Variants in DAB1 observed in about 807,000 individuals in gnomAD.
The protein encoded by DAB1 is disabled homolog 1.
DAB1 carries 15 observed loss-of-function variants against 64.6 expected under a neutral mutation model. The observed-to-expected ratio is 0.23, with a 90% CI of 0.16 to 0.36. The LOEUF (loss-of-function observed/expected upper bound fraction) is 0.36. DAB1 is among the 10% of genes least tolerant of loss of function. The pLI is 1.00. For missense variants in DAB1, 596 were observed against 706.7 expected (o/e 0.84, Z 1.78); for synonymous variants, 235 against 251.9 (o/e 0.93, Z 0.64).
intron 1 of DAB1, among the ~76,000 whole-genome samples, chr1:57,872,504 G>C (rs2101958754): frequency 6.6e-6 from 1 of 152,282 alleles, no homozygotes; most frequent in East Asian, 1.9e-4. Flanking sequence ...AAGCTATTAA[G>C]TTTTGCTATT....
At chr1:57,193,634 C>T (rs377072360) in intron 2 of DAB1, among the ~76,000 whole-genome samples, 1 of 152,120 alleles carries the variant, frequency 6.6e-6, no homozygotes, top group African/African-American at 2.4e-5. Context: ...GATCCGCCTG[C>T]GTCGGCTTCC....
intron 3 of DAB1, among the ~76,000 whole-genome samples, chr1:58,346,582 GA>G (rs903069964): frequency 6.6e-6 from 1 of 152,176 alleles, no homozygotes; most frequent in Non-Finnish European, 1.5e-5. Flanking sequence ...AAAGCCCTTT[GA>G]AATGCAATGA....
chr1:57,250,759 T>A (rs1364053931), intron 2 of DAB1, among the ~76,000 whole-genome samples: 1 of 152,232 alleles, frequency 6.6e-6, no homozygotes. Flanking sequence ...TATAATTTTT[T>A]AATATTTTAC....
At chr1:58,093,038 A>C (rs1233221096) in intron 5 of DAB1, among the ~76,000 whole-genome samples, 1 of 152,196 alleles carries the variant, frequency 6.6e-6, no homozygotes, top group African/African-American at 2.4e-5. Context: ...AGTGCCACAC[A>C]AACTTCCCCT....
intron 2 of DAB1, among the ~76,000 whole-genome samples, chr1:58,508,401 A>G (rs1173812778): frequency 1.3e-5 from 2 of 152,192 alleles, no homozygotes; most frequent in Non-Finnish European, 2.9e-5. Flanking sequence ...ATTCAACGAT[A>G]ATATACGAAT....
chr1:57,642,601 A>G (rs2101644344), intron 7 of DAB1, among the ~76,000 whole-genome samples: 1 of 152,222 alleles, frequency 6.6e-6, no homozygotes, highest in South Asian at 2.1e-4. Context: ...TTTCTCCCCA[A>G]CGCTAAAAAT....
rs529675243 is a variant in DAB1 at position 58,280,815 on chromosome 1, T to C, written n.309+62537A>G. ...AAGCCATGGGGGCAGGGAGTGGGGG[T>C]GGCACCCAAGGAGTGCACCATCTAG... On this transcript the variant is annotated intron_variant and non_coding_transcript_variant, in intron 4 of 20. Coordinates refer to the DAB1 transcript ENST00000485760. 5.3e-5 allele frequency among the ~76,000 whole-genome samples: 8 copies of C among 152,090 alleles called. No homozygotes were observed. The East Asian group carries it at 1.4e-3, about 26-fold the overall frequency.
chr1:57,890,927 A>G (rs554872068), intron 5 of DAB1, among the ~76,000 whole-genome samples: 1 of 152,312 alleles, frequency 6.6e-6, no homozygotes, highest in South Asian at 2.1e-4. Flanking sequence ...ACATTATATT[A>G]ATCTGTGGCT....
intron 1 of DAB1, among the ~76,000 whole-genome samples, chr1:57,872,296 G>A (rs1643966234): frequency 6.6e-6 from 1 of 152,138 alleles, no homozygotes; most frequent in Non-Finnish European, 1.5e-5. Flanking sequence ...TGGAAGTGGA[G>A]CCCTTATGAA....
chr1:58,489,673 C>A (rs1645642378), intron 3 of DAB1, among the ~76,000 whole-genome samples: 1 of 152,300 alleles, frequency 6.6e-6, no homozygotes, highest in Non-Finnish European at 1.5e-5. Flanking sequence ...CCTGAGTAGC[C>A]TAACTGGGAG....
At chr1:58,136,849 A>G (rs1482473241) in intron 5 of DAB1, among the ~76,000 whole-genome samples, 6 of 152,228 alleles carry the variant, frequency 3.9e-5, no homozygotes, top group Non-Finnish European at 8.8e-5. Context: ...AACTTGCTGA[A>G]TATCACAAGT....
intron 4 of DAB1, among the ~76,000 whole-genome samples, chr1:57,079,776 C>G (rs1327348878): frequency 1.3e-5 from 2 of 152,164 alleles, no homozygotes; most frequent in Admixed American, 1.3e-4. Flanking sequence ...CTCCTTTCTC[C>G]CATTCAGACC....
At chr1:57,170,006 T>C (rs1447458741) in intron 2 of DAB1, among the ~76,000 whole-genome samples, 2 of 151,618 alleles carry the variant, frequency 1.3e-5, no homozygotes, top group African/African-American at 4.8e-5. Context: ...CTTTCTTTTT[T>C]TTTTTTTTAA....
chr1:58,511,333 C>T (rs1374201071), intron 2 of DAB1, among the ~76,000 whole-genome samples: 1 of 152,092 alleles, frequency 6.6e-6, no homozygotes, highest in East Asian at 1.9e-4. Flanking sequence ...AAATACAGAT[C>T]TTTGATGAGG....
chr1:58,069,153 C>T (rs1649065834), intron 5 of DAB1, among the ~76,000 whole-genome samples: 1 of 152,212 alleles, frequency 6.6e-6, no homozygotes, highest in Admixed American at 6.5e-5. Context: ...ATGTAGACTT[C>T]AAAATAATTC....
chr1:57,278,800 T>C (rs1570143118), intron 2 of DAB1, among the ~76,000 whole-genome samples: 1 of 152,192 alleles, frequency 6.6e-6, no homozygotes, highest in Non-Finnish European at 1.5e-5. Context: ...TATTGATTAG[T>C]GAGACAGAAC....
At chr1:57,984,916 G>GT (rs34070813) in intron 5 of DAB1, among the ~76,000 whole-genome samples, 58,776 of 149,530 alleles carry the variant, frequency 0.39, 13,027 homozygotes, top group Admixed American at 0.51. Context: ...AGTTGTTGTT[G>GT]TTTTTTTTTT....
At chr1:58,074,990 T>C (rs991359090) in intron 5 of DAB1, among the ~76,000 whole-genome samples, 5 of 152,112 alleles carry the variant, frequency 3.3e-5, no homozygotes, top group African/African-American at 1.2e-4. Context: ...CAAAGCTGAA[T>C]TGTGAAGGTG....
At chr1:57,055,982 C>G (rs11206962) in intron 9 of DAB1, among the ~76,000 whole-genome samples, 52,429 of 151,944 alleles carry the variant, frequency 0.35, 9,840 homozygotes, top group Middle Eastern at 0.47. Flanking sequence ...TACTTTAGCT[C>G]ATTTAGTCTT....
Sources: allele counts gnomAD v4.1 joint callset (sites outside exome capture counted in the v4.1 genomes callset), GRCh38; gene constraint gnomAD v4.1.1; transcripts MANE v1.5; gene names NCBI Gene and HGNC (gene_info 2026-07-23, HGNC 2026-07-21).